Variants in WIPF2 observed in about 807,000 individuals in gnomAD.
WIPF2 encodes WAS/WASL interacting protein family member 2.
A neutral mutation model predicts 38.8 loss-of-function variants in WIPF2; 23 were observed. That is an observed-to-expected ratio of 0.59 (90% confidence interval 0.43 to 0.84). The LOEUF (loss-of-function observed/expected upper bound fraction) is 0.84. WIPF2 is among the 40% of genes least tolerant of loss of function. The probability of loss-of-function intolerance (pLI) is 0.00; values close to 1 mark genes in which losing one functional copy is unlikely to be tolerated. For missense variants in WIPF2, 574 were observed against 580.5 expected (o/e 0.99, Z 0.11); for synonymous variants, 210 against 223.2 (o/e 0.94, Z 0.53).
chr17:40,273,649 G>A, intron 5 of WIPF2, 141 bp from the exon 6 acceptor site: 2 of 596,308 alleles, frequency 3.4e-6, no homozygotes, highest in Non-Finnish European at 6.1e-6. Context: ...TGGTGATGCT[G>A]TTCAAGTAAT....
At chr17:40,256,220 A>G (rs756314876) in intron 1 of WIPF2, among the ~76,000 whole-genome samples, 171 bp from the exon 2 acceptor site, 1 of 152,168 alleles carries the variant, frequency 6.6e-6, no homozygotes, top group African/African-American at 2.4e-5. Context: ...GGAAATTGCA[A>G]ATTAAAACAA....
intron 1 of WIPF2, among the ~76,000 whole-genome samples, chr17:40,222,654 G>GT (rs58758484): frequency 0.012 from 638 of 52,852 alleles, 134 homozygotes; most frequent in East Asian, 0.029. Flanking sequence ...TGCATATTCA[G>GT]TTTTTTTTTT....
At position 40,265,066 on chromosome 17, in the gene WIPF2, C is replaced by T. The variant is rs760438771; in HGVS notation, c.890C>T (p.Pro297Leu). Residue 297 changes from proline (P) to leucine (L), a missense_variant, in exon 5 of 8, where the codon CCT (proline) becomes CTT (leucine). Coordinates refer to ENST00000323571, the MANE Select transcript of WIPF2 (RefSeq NM_133264.5). Reference sequence around the variant, plus strand: ...GGGCCTGTCAGAGGCCTAGCACCTCCTCCACCCACCTCGGCCTCCCCATCT... The same window carrying T: ...GGGCCTGTCAGAGGCCTAGCACCTCTTCCACCCACCTCGGCCTCCCCATCT... ...TPGPVRGLAP[P>L]PPTSASPSLL... 1 of 1,614,008 alleles carries T rather than the reference C, an allele frequency of 6.2e-7. No individual in the cohort carries two copies. Among genetic ancestry groups the T allele is most frequent in the Non-Finnish European group, 8.5e-7 (1 of 1,180,012 alleles).
rs983957332 is a variant in WIPF2 at position 40,219,362 on chromosome 17, G to GGGCGGTGGCGGC, written c.-194_-183dup. On this transcript the variant is annotated 5_prime_UTR_variant, in exon 1 of 8. Coordinates refer to ENST00000323571, the MANE Select transcript of WIPF2 (RefSeq NM_133264.5). Reference sequence around the variant, plus strand: ...AGATCCATTTCCGGGTTGGCAAAAGGGGCGGTGGCGGCGGCGGCGGCGGCG... The same window carrying GGGCGGTGGCGGC: ...AGATCCATTTCCGGGTTGGCAAAAGGGGCGGTGGCGGCGGCGGTGGCGGCGGCGGCGGCGGCG... The GGGCGGTGGCGGC allele has an allele frequency of 6.3e-5, 24 of 378,474 alleles. No individual in the cohort carries two copies. In the Middle Eastern group the frequency reaches 2.3e-3, roughly 36 times the overall value. 23.4% of individuals were successfully genotyped at this position (378,474 alleles called of 1,614,324 possible). A position where few individuals can be genotyped will look rare whatever the true frequency, so the allele number is the denominator to read the frequency against.
rs2145410881 is a variant in WIPF2, at chr17:40,273,928, C to T, written c.1109C>T (p.Pro370Leu). The change falls in exon 6 of 8, where the codon CCA becomes CTA. Residue 370 changes from proline (P) to leucine (L), a missense_variant. Physicochemically the swap from Pro to Leu is moderately conservative, Grantham distance 98. Coordinates refer to ENST00000323571, the MANE Select transcript of WIPF2 (RefSeq NM_133264.5). ...PPPPSRTPAG[P>L]PPPPPPPLRN... ...CCACCCTCAAGGACGCCAGCTGGGC[C>T]ACCCCCTCCTCCTCCACCGCCCCTG... 6.3e-7 allele frequency: 1 copy of T among 1,593,276 alleles called. No individual in the cohort carries two copies. Among genetic ancestry groups the T allele is most frequent in the Non-Finnish European group, 8.6e-7 (1 of 1,169,326 alleles).
intron 5 of WIPF2, among the ~76,000 whole-genome samples, chr17:40,269,847 C>T (rs1430377600): frequency 3.3e-5 from 5 of 150,634 alleles, no homozygotes; most frequent in Admixed American, 6.6e-5. Context: ...CCTTGTGATC[C>T]GCCTGCCTTG....
intron 1 of WIPF2, among the ~76,000 whole-genome samples, chr17:40,249,470 A>T (rs539614204): frequency 2.7e-5 from 4 of 148,588 alleles, no homozygotes; most frequent in African/African-American, 9.9e-5. Flanking sequence ...TTTTTTTGAG[A>T]TGGCTCTTCG....
chr17:40,258,462 C>G (rs894649874), intron 2 of WIPF2, among the ~76,000 whole-genome samples: 17 of 152,168 alleles, frequency 1.1e-4, no homozygotes, highest in Admixed American at 6.5e-4. Flanking sequence ...CATGGTGGCG[C>G]TTGCCTGTAA....
chr17:40,250,756 A>G (rs1291115986), intron 1 of WIPF2, among the ~76,000 whole-genome samples: 1 of 151,934 alleles, frequency 6.6e-6, no homozygotes, highest in Non-Finnish European at 1.5e-5. Context: ...ATTTAATCTC[A>G]GGTTTAACCT....
At chr17:40,235,603 C>T (rs139877500) in intron 1 of WIPF2, among the ~76,000 whole-genome samples, 1,263 of 116,476 alleles carry the variant, frequency 0.011, 19 homozygotes, top group African/African-American at 0.039. Context: ...GACGGAGTTT[C>T]GCTCTTGTTG....
At position 40,219,397 on chromosome 17, in the gene WIPF2, G is replaced by A. The variant is rs1003869354; in HGVS notation, c.-165G>A. The A allele has an allele frequency of 1.2e-4, 48 of 415,360 alleles. 1 individual carries two copies. The Admixed American group carries it at 1.6e-3, about 14-fold the overall frequency. The allele number at this position is 415,360 out of a possible 1,614,324, so 25.7% of individuals were successfully genotyped here. A position where few individuals can be genotyped will look rare whatever the true frequency, so the allele number is the denominator to read the frequency against. On this transcript the variant is annotated 5_prime_UTR_variant, in exon 1 of 8. Coordinates refer to ENST00000323571, the MANE Select transcript of WIPF2 (RefSeq NM_133264.5). ...GGCGGCGGCGGCGGCGGCGGCGGCG[G>A]CGACGGCGAGAAAGAGCTTGCCGGG...
In WIPF2 at chr17:40,246,835, G is replaced by A. The variant is rs147850732; in HGVS notation, c.-69-9556G>A. On this transcript the variant is annotated intron_variant, in intron 1 of 7. Coordinates refer to ENST00000323571, the MANE Select transcript of WIPF2 (RefSeq NM_133264.5). Reference sequence around the variant, plus strand: ...GTGCTTAAGAACTCATTTGTTGGCCGGGCGTGGCGACTCATGCCTGTAATC... The same window carrying A: ...GTGCTTAAGAACTCATTTGTTGGCCAGGCGTGGCGACTCATGCCTGTAATC... Among the ~76,000 whole-genome samples the A allele has an allele frequency of 3.2e-3, 485 of 152,186 alleles. 4 individuals carry two copies. Among genetic ancestry groups the A allele is most frequent in the African/African-American group, 0.011 (454 of 41,522 alleles).
intron 2 of WIPF2, among the ~76,000 whole-genome samples, chr17:40,259,420 A>C (rs1364955566): frequency 3.3e-5 from 5 of 151,520 alleles, no homozygotes; most frequent in African/African-American, 1.2e-4. Flanking sequence ...GGATGGTAGA[A>C]TCTAAGACTC....
intron 1 of WIPF2, among the ~76,000 whole-genome samples, chr17:40,244,929 A>G (rs952589012): frequency 6.6e-6 from 1 of 152,002 alleles, no homozygotes; most frequent in Non-Finnish European, 1.5e-5. Context: ...TTATTTTATC[A>G]TTATTATTAC....
chr17:40,269,183 G>A (rs1455175130), intron 5 of WIPF2, among the ~76,000 whole-genome samples: 1 of 152,102 alleles, frequency 6.6e-6, no homozygotes, highest in East Asian at 1.9e-4. Context: ...AGCCAGGCAT[G>A]ATGGCGGGTG....
chr17:40,260,777 G>A (rs1426014136), intron 3 of WIPF2, 110 bp downstream of exon 3: 1 of 1,444,300 alleles, frequency 6.9e-7, no homozygotes, highest in Non-Finnish European at 9.6e-7. Context: ...TTTTGTCCTG[G>A]GATGTGCTTT....
rs764390242 is a variant in WIPF2 at position 40,280,179 on chromosome 17, A to G, written c.*1954A>G. ...GAAGTATCCCTAGCATCCTGAAGCA[A>G]ACAGAACTGCCGGGCGCTGTGGCTT... On this transcript the variant is annotated 3_prime_UTR_variant, in exon 8 of 8. Transcript: ENST00000323571. 1.3e-5 allele frequency: 2 copies of G among 152,190 alleles called. No homozygotes were observed. The highest frequency in any genetic ancestry group is 2.4e-5 in the African/African-American group (1 of 41,442). The allele number at this position is 152,190 out of a possible 1,614,324, so 9.4% of individuals were successfully genotyped here. A position where few individuals can be genotyped will look rare whatever the true frequency, so the allele number is the denominator to read the frequency against.
rs745371107 is a variant in WIPF2 at position 40,265,063 on chromosome 17, C to G, written c.887C>G (p.Pro296Arg). ...CCAGGGCCTGTCAGAGGCCTAGCACCTCCTCCACCCACCTCGGCCTCCCCA... is the reference window on the plus strand; with the variant it reads ...CCAGGGCCTGTCAGAGGCCTAGCACGTCCTCCACCCACCTCGGCCTCCCCA... The part of the protein sequence containing the change: ...KTPGPVRGLA[P>R]PPPTSASPSL... The change falls in exon 5 of 8, where the codon CCT (proline) becomes CGT (arginine). Residue 296 changes from proline (P) to arginine (R), a missense_variant. Transcript: ENST00000323571. The G allele has an allele frequency of 6.2e-7, 1 of 1,614,070 alleles. No individual in the cohort carries two copies. The highest frequency in any genetic ancestry group is 8.5e-7 in the Non-Finnish European group (1 of 1,180,034).
chr17:40,264,398 C>T, intron 4 of WIPF2, 92 bp from the exon 5 acceptor site: 1 of 962,912 alleles, frequency 1.0e-6, no homozygotes, highest in South Asian at 1.4e-5. Flanking sequence ...TCCCTGCTGC[C>T]ATGCAGGTTG....
Sources: allele counts gnomAD v4.1 joint callset (sites outside exome capture counted in the v4.1 genomes callset), GRCh38; gene constraint gnomAD v4.1.1; transcripts MANE v1.5; gene names NCBI Gene and HGNC (gene_info 2026-07-23, HGNC 2026-07-21).